Variants in SLC9B2 observed in about 807,000 individuals in gnomAD.
SLC9B2 encodes the protein solute carrier family 9 member B2, also known as sodium/hydrogen exchanger 9B2.
A neutral mutation model predicts 52.2 loss-of-function variants in SLC9B2; 39 were observed. That is an observed-to-expected ratio of 0.75 (90% confidence interval 0.58 to 0.98). SLC9B2 has a LOEUF of 0.98. SLC9B2 is among the 50% of genes least tolerant of loss of function. The pLI is 0.00. For missense variants in SLC9B2, 626 were observed against 637.5 expected, an observed-to-expected ratio of 0.98 and a Z score of 0.19; for synonymous variants, 214 against 227.0, an observed-to-expected ratio of 0.94 and a Z score of 0.51.
intron 6 of SLC9B2, 32 bp from the exon 7 acceptor site, chr4:103,047,258 A>G: frequency 5.1e-6 from 8 of 1,567,242 alleles, no homozygotes; most frequent in Non-Finnish European, 6.9e-6. Context: ...CATTTATGAT[A>G]ACATCTTACT....
intron 2 of SLC9B2, among the ~76,000 whole-genome samples, chr4:103,066,877 A>G (rs1357628626): frequency 1.3e-5 from 2 of 152,262 alleles, no homozygotes; most frequent in African/African-American, 4.8e-5. Context: ...ATTATTTAAA[A>G]TATTATATAA....
intron 4 of SLC9B2, among the ~76,000 whole-genome samples, chr4:103,052,766 C>T (rs1481943895): frequency 1.3e-5 from 2 of 149,992 alleles, no homozygotes; most frequent in African/African-American, 2.5e-5. Flanking sequence ...AGGTTGGTCT[C>T]AAACTCCTGG....
chr4:103,071,381 T>G (rs1042194087), intron 1 of SLC9B2, among the ~76,000 whole-genome samples: 123 of 147,364 alleles, frequency 8.3e-4, no homozygotes, highest in Non-Finnish European at 1.4e-3. Context: ...TTTTTGTATT[T>G]TTTTTTTTTT....
intron 1 of SLC9B2, among the ~76,000 whole-genome samples, chr4:103,070,589 C>T (rs1378693963): frequency 1.3e-5 from 2 of 152,114 alleles, no homozygotes; most frequent in African/African-American, 2.4e-5. Flanking sequence ...TACAGGTGCC[C>T]GCCACCTCGC....
In SLC9B2 at chr4:103,067,567, G is replaced by A; in HGVS notation, c.-17C>T. On this transcript the variant is annotated 5_prime_UTR_variant, in exon 2 of 12. Coordinates refer to ENST00000394785, the MANE Select transcript of SLC9B2 (RefSeq NM_178833.7). ...ATCCCCCATTATTTATAATTAAGAAGATGACACAGGGAAGAGGAACGAGAT... is the reference window on the plus strand; with the variant it reads ...ATCCCCCATTATTTATAATTAAGAAAATGACACAGGGAAGAGGAACGAGAT... 6.4e-7 allele frequency: 1 copy of A among 1,564,468 alleles called. No homozygotes were observed.
intron 5 of SLC9B2, 104 bp from the exon 6 acceptor site, chr4:103,049,124 A>T (rs896654425): frequency 1.5e-6 from 2 of 1,336,068 alleles, no homozygotes; most frequent in Non-Finnish European, 2.0e-6. Context: ...CTGGGTCATC[A>T]TGAGTTTTCA....
At chr4:103,032,960 T>C (rs1742832219) in intron 9 of SLC9B2, among the ~76,000 whole-genome samples, 1 of 152,158 alleles carries the variant, frequency 6.6e-6, no homozygotes, top group Non-Finnish European at 1.5e-5. Flanking sequence ...CTCATATTCT[T>C]TAAGGATGTC....
chr4:103,047,079 G>A lies in SLC9B2; in HGVS notation c.861C>T (p.Asn287=), dbSNP rs996738771. Residue 287 remains asparagine (N), a synonymous_variant, in exon 7 of 12, where the codon AAC becomes AAT. Transcript: ENST00000394785. ...FDDILAITGF[N]TCLGIAFSTG... The stretch of plus-strand genomic sequence containing the variant: ...TGGAAAAGGCTATGCCCAAGCATGT[G>A]TTGAAGCCAGTGATGGCCAGAATGT... The A allele has an allele frequency of 1.2e-6, 2 of 1,613,930 alleles. No individual in the cohort carries two copies. Among genetic ancestry groups the A allele is most frequent in the East Asian group, 2.2e-5 (1 of 44,884 alleles).
intron 9 of SLC9B2, among the ~76,000 whole-genome samples, chr4:103,038,054 G>A (rs917396431): frequency 2.0e-5 from 3 of 151,796 alleles, no homozygotes; most frequent in African/African-American, 7.3e-5. Context: ...TAGAGATGAG[G>A]TTTTGTCATG....
chr4:103,056,084 G>A (rs768760630), intron 4 of SLC9B2, among the ~76,000 whole-genome samples: 9 of 152,090 alleles, frequency 5.9e-5, no homozygotes, highest in Admixed American at 2.0e-4. Flanking sequence ...GATTACAGGC[G>A]TGAGCCACCG....
chr4:103,067,271 G>A (rs924307262), intron 2 of SLC9B2, among the ~76,000 whole-genome samples, 190 bp downstream of exon 2: 1 of 152,136 alleles, frequency 6.6e-6, no homozygotes, highest in Non-Finnish European at 1.5e-5. Flanking sequence ...CTAGAGATTA[G>A]GTCAGAGACA....
chr4:103,041,349 G>T (rs1743623239), intron 9 of SLC9B2, among the ~76,000 whole-genome samples: 1 of 152,150 alleles, frequency 6.6e-6, no homozygotes, highest in East Asian at 1.9e-4. Context: ...TGGTTGTGGG[G>T]TTACACTGAC....
intron 1 of SLC9B2, among the ~76,000 whole-genome samples, chr4:103,069,259 G>T (rs911103064): frequency 6.6e-6 from 1 of 152,184 alleles, no homozygotes; most frequent in African/African-American, 2.4e-5. Context: ...GGAGCTTGTG[G>T]CAGGAGGCTG....
In SLC9B2 at chr4:103,041,823, G is replaced by A. The variant is rs145051011; in HGVS notation, c.1146+1473C>T. On this transcript the variant is annotated intron_variant, in intron 9 of 11. Coordinates refer to ENST00000394785, the MANE Select transcript of SLC9B2 (RefSeq NM_178833.7). Reference sequence around the variant, plus strand: ...CAAATTAATCTGAGCTTAAATCTCCGTGCCATTTTCTAATTGTGTGACCTT... The same window carrying A: ...CAAATTAATCTGAGCTTAAATCTCCATGCCATTTTCTAATTGTGTGACCTT... Among the ~76,000 whole-genome samples the A allele has an allele frequency of 9.5e-4, 145 of 152,096 alleles. 2 individuals carry two copies. Among genetic ancestry groups the A allele is most frequent in the African/African-American group, 3.2e-3 (134 of 41,510 alleles).
intron 6 of SLC9B2, among the ~76,000 whole-genome samples, chr4:103,048,323 G>C (rs1011804377): frequency 6.6e-6 from 1 of 152,156 alleles, no homozygotes; most frequent in Non-Finnish European, 1.5e-5. Flanking sequence ...ACTTGTTAAA[G>C]ATCACACACC....
intron 9 of SLC9B2, among the ~76,000 whole-genome samples, chr4:103,035,314 T>G (rs908101992): frequency 8.5e-5 from 13 of 152,192 alleles, no homozygotes; most frequent in Admixed American, 2.6e-4. Flanking sequence ...GGACATGATC[T>G]TCTTTTTTAT....
intron 3 of SLC9B2, 77 bp downstream of exon 3, chr4:103,066,250 C>T (rs895467160): frequency 4.0e-6 from 6 of 1,500,322 alleles, no homozygotes; most frequent in African/African-American, 1.4e-5. Flanking sequence ...TCTTTTTGTC[C>T]TTTCAACCAT....
At chr4:103,065,014 G>A (rs1483826157) in intron 3 of SLC9B2, among the ~76,000 whole-genome samples, 1 of 151,970 alleles carries the variant, frequency 6.6e-6, no homozygotes, top group African/African-American at 2.4e-5. Context: ...CTTGAGCTTA[G>A]GAGTTCAAGA....
rs779979130 is a variant in SLC9B2 at position 103,072,056 on chromosome 4, G to GTTTTTT, written c.-43+4122_-43+4127dup. On this transcript the variant is annotated intron_variant, in intron 1 of 11. Transcript: ENST00000394785. ...CAAAATTTTCAAGTTTGGCTTTCAT[G>GTTTTTT]TTTTTTTTTTTTTTTTTTTTGAGGT... is the stretch of plus-strand genomic sequence containing the variant. Among the ~76,000 whole-genome samples the GTTTTTT allele has an allele frequency of 9.1e-4, 87 of 95,316 alleles. 11 individuals are homozygous for GTTTTTT. Among genetic ancestry groups the GTTTTTT allele is most frequent in the African/African-American group, 3.6e-3 (79 of 21,818 alleles). The allele number at this position is 95,316 out of a possible 152,430, so 62.5% of individuals were successfully genotyped here. A position where few individuals can be genotyped will look rare whatever the true frequency, so the allele number is the denominator to read the frequency against.
Sources: gnomAD v4.1 joint callset for allele counts (sites outside exome capture counted in the v4.1 genomes callset) on GRCh38, gnomAD v4.1.1 for gene constraint, MANE v1.5 for transcripts, NCBI Gene and HGNC (gene_info 2026-07-23, HGNC 2026-07-21) for gene names.